Variants in STMND1 observed in about 807,000 individuals in gnomAD.
STMND1 encodes the protein stathmin domain containing 1.
Under a neutral mutation model 23.0 loss-of-function variants are expected in STMND1, and 17 were observed. The ratio of observed to expected loss-of-function variants is 0.74; its 90% CI spans 0.51 to 1.11. The LOEUF (loss-of-function observed/expected upper bound fraction) is 1.11. Ranked by LOEUF, STMND1 falls within the 50% of genes least tolerant of loss-of-function variation. The probability of loss-of-function intolerance (pLI) is 0.00; values close to 1 mark genes in which losing one functional copy is unlikely to be tolerated. For synonymous variants in STMND1, 114 were observed against 119.9 expected (o/e 0.95, Z 0.32); for missense variants, 305 against 329.1 (o/e 0.93, Z 0.57).
At chr6:17,105,326 T>C (rs1761008736) in intron 1 of STMND1, among the ~76,000 whole-genome samples, 1 of 152,288 alleles carries the variant, frequency 6.6e-6, no homozygotes, top group South Asian at 2.1e-4. Flanking sequence ...AAGTGCATGA[T>C]GTAAATTATT....
At chr6:17,126,066 ATATATTTT>A (rs1463786979) in intron 3 of STMND1, among the ~76,000 whole-genome samples, 4 of 23,292 alleles carry the variant, frequency 1.7e-4, no homozygotes, top group African/African-American at 6.4e-4. Context: ...ATATATATAT[ATATATTTT>A]TTTTTTTTTT....
chr6:17,110,276 G>A (rs913530139), intron 1 of STMND1, among the ~76,000 whole-genome samples: 52 of 152,178 alleles, frequency 3.4e-4, no homozygotes, highest in Non-Finnish European at 4.4e-4. Flanking sequence ...CCTAGCTACT[G>A]GAGAGACCAA....
intron 1 of STMND1, among the ~76,000 whole-genome samples, chr6:17,111,950 G>A (rs9477325): frequency 6.6e-6 from 1 of 152,154 alleles, no homozygotes; most frequent in Non-Finnish European, 1.5e-5. Flanking sequence ...ATTAATGAGG[G>A]AGTATCCCGC....
chr6:17,109,229 G>T (rs1761067180), intron 1 of STMND1, among the ~76,000 whole-genome samples: 1 of 152,022 alleles, frequency 6.6e-6, no homozygotes, highest in Non-Finnish European at 1.5e-5. Flanking sequence ...TTGTTTGTTT[G>T]GTTGGTTTTT....
intron 2 of STMND1, 145 bp downstream of exon 2, chr6:17,115,284 C>A: frequency 1.4e-5 from 9 of 649,672 alleles, no homozygotes; most frequent in East Asian, 4.0e-5. Context: ...GTCTCTGAAA[C>A]ATTAGAATTT....
Position 17,129,132 on chromosome 6 carries a change from AT to A in STMND1, c.434del (p.Leu145Ter). 1 of 1,535,958 alleles carries A rather than the reference AT, an allele frequency of 6.5e-7. No homozygotes were observed. The highest frequency in any genetic ancestry group is 8.7e-7 in the Non-Finnish European group (1 of 1,146,792). Reference sequence around the variant, plus strand: ...TCCAGTTGACTACGACTGAGAAGCCATTGAGAAAGCCACCTTCCAGACTGAA... The same window carrying A: ...TCCAGTTGACTACGACTGAGAAGCCATGAGAAAGCCACCTTCCAGACTGAA... ...DVTLTTTEKP[L>X]RKPPSRLKKL... is the part of the protein sequence containing the mutation. On this transcript the variant is annotated frameshift_variant, in exon 4 of 5. Coordinates refer to ENST00000536551, the MANE Select transcript of STMND1 (RefSeq NM_001190766.2). LOFTEE classifies it high-confidence loss of function.
intron 1 of STMND1, among the ~76,000 whole-genome samples, chr6:17,106,982 G>A (rs924564272): frequency 6.6e-6 from 1 of 152,090 alleles, no homozygotes; most frequent in African/African-American, 2.4e-5. Flanking sequence ...AGGAGAGGCT[G>A]GATTGGAATA....
intron 3 of STMND1, among the ~76,000 whole-genome samples, chr6:17,126,762 A>T (rs1195204525): frequency 6.6e-5 from 10 of 152,174 alleles, no homozygotes; most frequent in Non-Finnish European, 1.3e-4. Context: ...GCAGTGAAAA[A>T]CTTTGCACCC....
At chr6:17,108,756 G>GT (rs1761058947) in intron 1 of STMND1, among the ~76,000 whole-genome samples, 1 of 150,518 alleles carries the variant, frequency 6.6e-6, no homozygotes, top group African/African-American at 2.5e-5. Flanking sequence ...GAGTGCAGTG[G>GT]TGTAATCTCG....
chr6:17,104,130 C>T (rs773647577), intron 1 of STMND1, among the ~76,000 whole-genome samples: 1 of 152,156 alleles, frequency 6.6e-6, no homozygotes, highest in African/African-American at 2.4e-5. Flanking sequence ...CACCTCCATG[C>T]CTTTACCTGT....
intron 1 of STMND1, among the ~76,000 whole-genome samples, chr6:17,103,304 C>CA (rs1234839013): frequency 3.3e-5 from 5 of 152,304 alleles, no homozygotes; most frequent in Admixed American, 6.5e-5. Flanking sequence ...AGCTACTGTT[C>CA]AAAGAGCACA....
rs1368555242 is a variant in STMND1 at position 17,120,679 on chromosome 6, T to A, written c.332T>A (p.Ile111Asn). 2 of 1,535,630 alleles carry A rather than the reference T, an allele frequency of 1.3e-6. No individual in the cohort carries two copies. The highest frequency in any genetic ancestry group is 3.9e-5 in the Admixed American group (2 of 50,982). The change falls in exon 3 of 5, where the codon ATC (isoleucine) becomes AAC (asparagine). Residue 111 changes from isoleucine to asparagine, a missense_variant. Physicochemically the swap from Ile to Asn is moderately radical, Grantham distance 149. Coordinates refer to ENST00000536551, the MANE Select transcript of STMND1 (RefSeq NM_001190766.2). Reference protein sequence around the residue: ...ESRERQKSSDILEELIVQGII... With the variant: ...ESRERQKSSDNLEELIVQGII... ...CGAGAGCGACAGAAGTCATCAGATATCCTGGAGGAACTAATTGTTCAAGGA... is the reference window on the plus strand; with the variant it reads ...CGAGAGCGACAGAAGTCATCAGATAACCTGGAGGAACTAATTGTTCAAGGA...
At chr6:17,118,977 G>GATC (rs1245991763) in intron 2 of STMND1, among the ~76,000 whole-genome samples, 4 of 152,136 alleles carry the variant, frequency 2.6e-5, no homozygotes, top group African/African-American at 9.7e-5. Context: ...CTTAGTAAAT[G>GATC]ATCATTATTA....
chr6:17,105,842 A>G (rs892768687), intron 1 of STMND1, among the ~76,000 whole-genome samples: 7 of 149,886 alleles, frequency 4.7e-5, no homozygotes, highest in African/African-American at 9.8e-5. Context: ...GGAGAATGGC[A>G]TGAACCTGGG....
At chr6:17,104,108 C>A (rs1352611430) in intron 1 of STMND1, among the ~76,000 whole-genome samples, 1 of 152,148 alleles carries the variant, frequency 6.6e-6, no homozygotes, top group African/African-American at 2.4e-5. Flanking sequence ...CTCAGTTCTT[C>A]CAGGCATCTC....
chr6:17,115,790 G>C (rs1027056815), intron 2 of STMND1, among the ~76,000 whole-genome samples: 2 of 152,162 alleles, frequency 1.3e-5, no homozygotes, highest in Admixed American at 6.5e-5. Context: ...TTTATTTCAG[G>C]GGGGAAGACT....
intron 1 of STMND1, among the ~76,000 whole-genome samples, chr6:17,112,576 GACC>G (rs1022749913): frequency 6.6e-6 from 1 of 152,054 alleles, no homozygotes; most frequent in African/African-American, 2.4e-5. Context: ...AGCAGATTGA[GACC>G]ATCCTGGCTA....
chr6:17,113,437 T>C (rs567450585), intron 1 of STMND1, among the ~76,000 whole-genome samples: 1 of 152,312 alleles, frequency 6.6e-6, no homozygotes, highest in South Asian at 2.1e-4. Context: ...ACCCAGATTA[T>C]CAAGGGTAAT....
At position 17,129,192 on chromosome 6, in the gene STMND1, C is replaced by G; in HGVS notation, c.492C>G (p.Phe164Leu). 2 of 1,535,908 alleles carry G rather than the reference C, an allele frequency of 1.3e-6. No individual in the cohort carries two copies. Residue 164 changes from phenylalanine to leucine, a missense_variant, in exon 4 of 5, where the codon TTC (phenylalanine) becomes TTG (leucine). Physicochemically the swap from Phe to Leu is conservative, Grantham distance 22. Transcript: ENST00000536551. ...KLKIKKQVKDFTMKDIEEKME... is the reference protein window; with the variant it reads ...KLKIKKQVKDLTMKDIEEKME... ...AGATCAAAAAGCAAGTGAAGGATTTCACAATGAAGGACATCGAGGAGAAGA... is the reference window on the plus strand; with the variant it reads ...AGATCAAAAAGCAAGTGAAGGATTTGACAATGAAGGACATCGAGGAGAAGA...
Sources: gnomAD v4.1 joint callset for allele counts (sites outside exome capture counted in the v4.1 genomes callset) on GRCh38, gnomAD v4.1.1 for gene constraint, MANE v1.5 for transcripts, NCBI Gene and HGNC (gene_info 2026-07-23, HGNC 2026-07-21) for gene names.